Variants in BMP7 observed in about 807,000 individuals in gnomAD.
The protein encoded by BMP7 is bone morphogenetic protein 7.
A neutral mutation model predicts 41.2 loss-of-function variants in BMP7; 12 were observed. That is an observed-to-expected ratio of 0.29 (90% CI 0.19 to 0.47). The LOEUF (loss-of-function observed/expected upper bound fraction) is 0.47. BMP7 is among the 20% of genes least tolerant of loss of function. BMP7 has a pLI of 0.99. For missense variants in BMP7, 467 were observed against 606.0 expected (o/e 0.77, Z 2.41); for synonymous variants, 248 against 250.0 (o/e 0.99, Z 0.07).
intron 2 of BMP7, among the ~76,000 whole-genome samples, chr20:57,216,346 G>A (rs1165368705): frequency 6.6e-6 from 1 of 152,216 alleles, no homozygotes; most frequent in African/African-American, 2.4e-5. Flanking sequence ...GTTTGTCTGA[G>A]AGGTGACCCC....
At chr20:57,241,735 A>G (rs1306623784) in intron 1 of BMP7, among the ~76,000 whole-genome samples, 1 of 152,202 alleles carries the variant, frequency 6.6e-6, no homozygotes, top group Non-Finnish European at 1.5e-5. Context: ...CTGAGCCTGC[A>G]GCCTGCACAG....
At chr20:57,222,990 C>T (rs1298682999) in intron 2 of BMP7, among the ~76,000 whole-genome samples, 1 of 152,010 alleles carries the variant, frequency 6.6e-6, no homozygotes, top group African/African-American at 2.4e-5. Flanking sequence ...GAAGAACAGT[C>T]TTCTCTGAGA....
rs537160841 is a variant in BMP7, at chr20:57,174,436, G to T, written c.1035+495C>A. On this transcript the variant is annotated intron_variant, in intron 5 of 6. Transcript: ENST00000395863. The surrounding 1 kb of genome is among the most constrained non-coding windows in gnomAD (Gnocchi z 4.3). The stretch of plus-strand genomic sequence containing the variant: ...TCCCCTGCCTTTTGCCTCACTCCAT[G>T]CAAATGGCTCCAGAGGGGGCAGCCA... Among the ~76,000 whole-genome samples the T allele has an allele frequency of 6.6e-6, 1 of 152,226 alleles. No homozygotes were observed. The highest frequency in any genetic ancestry group is 2.1e-4 in the South Asian group (1 of 4,816).
In BMP7 at chr20:57,174,931, C is replaced by T. The variant is rs572448202; in HGVS notation, c.1035G>A (p.Gln345=). ...LYVSFRDLGW[Q]DWIIAPEGYA... ...AAGACAGACCCAGCCAGCCCCTTAC[C>T]TGCCAGCCCAGGTCTCGGAAGCTGA... The change falls in exon 5 of 7, where the codon CAG becomes CAA. Residue 345 remains glutamine, a splice_region_variant and synonymous_variant. Coordinates refer to ENST00000395863, the MANE Select transcript of BMP7 (RefSeq NM_001719.3). This position sits in a 1 kb window ranked among gnomAD's most constrained non-coding sequence, Gnocchi z 4.3. The T allele has an allele frequency of 6.2e-7, 1 of 1,611,082 alleles. No individual in the cohort carries two copies. The highest frequency in any genetic ancestry group is 2.2e-5 in the East Asian group (1 of 44,832).
intron 2 of BMP7, among the ~76,000 whole-genome samples, chr20:57,209,249 T>TATATATATATATATATATATA (rs1555814048): frequency 1.1e-5 from 1 of 94,876 alleles, no homozygotes; most frequent in Non-Finnish European, 2.1e-5. Flanking sequence ...TTATATATTT[T>TATATATATATATATATATATA]TATATATATA....
intron 3 of BMP7, among the ~76,000 whole-genome samples, chr20:57,188,898 T>C (rs182169721): frequency 6.7e-4 from 102 of 152,318 alleles, no homozygotes; most frequent in South Asian, 1.7e-3. Flanking sequence ...AGGCCAAGAT[T>C]CGAACCCTGG....
chr20:57,200,091 T>C (rs1375601395), intron 3 of BMP7, among the ~76,000 whole-genome samples: 1 of 152,226 alleles, frequency 6.6e-6, no homozygotes, highest in Non-Finnish European at 1.5e-5. Flanking sequence ...CACGGGGATG[T>C]GAGCCACAGC....
intron 5 of BMP7, 164 bp from the exon 6 acceptor site, chr20:57,173,474 G>T: frequency 1.4e-6 from 1 of 715,732 alleles, no homozygotes; most frequent in Non-Finnish European, 2.5e-6. Flanking sequence ...CAGGAAACAT[G>T]GGTGGCCTCT....
At chr20:57,210,480 G>A (rs1984853091) in intron 2 of BMP7, among the ~76,000 whole-genome samples, 1 of 152,212 alleles carries the variant, frequency 6.6e-6, no homozygotes, top group Non-Finnish European at 1.5e-5. Context: ...GCTATTTAGA[G>A]ACTGATCCTC....
chr20:57,235,027 C>T (rs955092646), intron 1 of BMP7, among the ~76,000 whole-genome samples: 1 of 152,262 alleles, frequency 6.6e-6, no homozygotes, highest in South Asian at 2.1e-4. Context: ...AGGGGTCCCT[C>T]CCAAACACCA....
chr20:57,230,126 G>A (rs546180499), intron 1 of BMP7, among the ~76,000 whole-genome samples: 2 of 152,254 alleles, frequency 1.3e-5, no homozygotes, highest in East Asian at 3.9e-4. Flanking sequence ...CGGGAGGGAA[G>A]GACTCTCCAG....
rs138913126 is a variant in BMP7, at chr20:57,194,796, C to T, written c.760+7679G>A. 2.7e-3 allele frequency among the ~76,000 whole-genome samples: 415 copies of T among 152,292 alleles called. 6 individuals are homozygous for T. The highest frequency in any genetic ancestry group is 9.9e-3 in the African/African-American group (411 of 41,558). ...AGGTCACAGGCGCAAAGTCACCTAC[C>T]GGGGACCCAATGCTAGGGAGTACAG... is the stretch of plus-strand genomic sequence containing the variant. On this transcript the variant is annotated intron_variant, in intron 3 of 6. Transcript: ENST00000395863.
At chr20:57,250,689 T>C (rs1441050837) in intron 1 of BMP7, among the ~76,000 whole-genome samples, 1 of 152,158 alleles carries the variant, frequency 6.6e-6, no homozygotes, top group East Asian at 1.9e-4. Flanking sequence ...ATTGATGTGC[T>C]TTTTTTGGAG....
intron 2 of BMP7, among the ~76,000 whole-genome samples, chr20:57,212,375 G>A (rs1199102250): frequency 1.3e-5 from 2 of 152,230 alleles, no homozygotes; most frequent in Admixed American, 6.5e-5. Context: ...TCTGGCCGCG[G>A]GAGGTCAGGT....
chr20:57,170,262 T>C lies in BMP7; in HGVS notation c.*697A>G, dbSNP rs910236294. ...ACAGAACATATTTTTCCTCCAAAGA[T>C]CAACACACCGCCCTCCTCGGAGCAG... On this transcript the variant is annotated 3_prime_UTR_variant, in exon 7 of 7. Transcript: ENST00000395863. The C allele has an allele frequency of 6.5e-6, 1 of 154,946 alleles. No individual in the cohort carries two copies. Among genetic ancestry groups the C allele is most frequent in the Admixed American group, 6.3e-5 (1 of 15,892 alleles). The allele number at this position is 154,946 out of a possible 1,614,324, so 9.6% of individuals were successfully genotyped here.
chr20:57,232,459 A>G (rs2066032960), intron 1 of BMP7, among the ~76,000 whole-genome samples: 1 of 152,260 alleles, frequency 6.6e-6, no homozygotes, highest in African/African-American at 2.4e-5. Context: ...ATACGTTTGA[A>G]TAAGCATGAC....
intron 1 of BMP7, among the ~76,000 whole-genome samples, chr20:57,237,602 A>G (rs1213451855): frequency 6.6e-6 from 1 of 152,256 alleles, no homozygotes; most frequent in Admixed American, 6.5e-5. Flanking sequence ...GGAAAGTGGA[A>G]CAGACATACC....
chr20:57,178,316 A>G (rs555475888), intron 4 of BMP7, among the ~76,000 whole-genome samples: 2 of 152,302 alleles, frequency 1.3e-5, no homozygotes, highest in Admixed American at 6.5e-5. Flanking sequence ...GGCCTGGGTC[A>G]GCAGACAGTG....
Position 57,174,720 on chromosome 20 carries a change from G to T in BMP7, c.1035+211C>A, listed in dbSNP as rs1192700985. 2.0e-5 allele frequency among the ~76,000 whole-genome samples: 3 copies of T among 152,336 alleles called. No individual in the cohort carries two copies. The highest frequency in any genetic ancestry group is 3.4e-3 in the Middle Eastern group (1 of 294). ...CAGAGTCCAAAGTGTTTGGGTTCCT[G>T]GTTCAAGTTCAAGTCTCAACCACAT... On this transcript the variant is annotated intron_variant, in intron 5 of 6. Coordinates refer to ENST00000395863, the MANE Select transcript of BMP7 (RefSeq NM_001719.3). This position sits in a 1 kb window ranked among gnomAD's most constrained non-coding sequence, Gnocchi z 4.3.
Sources: gnomAD v4.1 joint callset for allele counts (sites outside exome capture counted in the v4.1 genomes callset) on GRCh38, gnomAD v4.1.1 for gene constraint, Gnocchi (gnomAD v3.1) non-coding constraint, MANE v1.5 for transcripts, NCBI Gene and HGNC (gene_info 2026-07-23, HGNC 2026-07-21) for gene names.